PPP1R3F: variants seen among roughly 807,000 people sequenced by gnomAD.
PPP1R3F encodes the protein protein phosphatase 1 regulatory subunit 3F, also known as protein phosphatase 1, regulatory (inhibitor) subunit 3F.
In PPP1R3F, 29 loss-of-function variants were observed where a neutral mutation model predicts 24.2. The observed-to-expected ratio is 1.20, with a 90% CI of 0.89 to 1.63. The LOEUF (loss-of-function observed/expected upper bound fraction) is 1.63. Among genes scored for constraint, PPP1R3F ranks in the 40% most tolerant of loss-of-function variants. The pLI is 0.00. For synonymous variants in PPP1R3F, 363 were observed against 340.1 expected, an observed-to-expected ratio of 1.07 and a Z score of -0.74; for missense variants, 823 against 729.3, an observed-to-expected ratio of 1.13 and a Z score of -1.48.
chrX:49,293,175 G>A (rs1463115995), intron 3 of PPP1R3F, among the ~76,000 whole-genome samples: 8 of 111,999 alleles, frequency 7.1e-5, no homozygotes, highest in Non-Finnish European at 1.1e-4. Flanking sequence ...CTCACAGTGA[G>A]CTCATGTGAG....
rs781940335 is a variant in PPP1R3F, at chrX:49,270,337, G to C, written c.468G>C (p.Val156=). The stretch of plus-strand genomic sequence containing the variant: ...TCCCCGGGGGTGCCGGGGTGTGGGT[G>C]CCTGGGGGCCGCCCGCCGGTGCTGC... ...GAVPGGAGVW[V]PGGRPPVLRG... Residue 156 remains valine (V), a synonymous_variant, in exon 1 of 4, where the codon GTG becomes GTC. Coordinates refer to ENST00000055335, the MANE Select transcript of PPP1R3F (RefSeq NM_033215.5). 1.7e-5 allele frequency: 19 copies of C among 1,138,321 alleles called. No homozygotes were observed. In the South Asian group the frequency reaches 3.8e-4, roughly 23 times the overall value. The allele number at this position is 1,138,321 out of a possible 1,213,427, so 93.8% of individuals were successfully genotyped here. A position where few individuals can be genotyped will look rare whatever the true frequency, so the allele number is the denominator to read the frequency against.
chrX:49,285,935 C>T lies in PPP1R3F; in HGVS notation c.1245C>T (p.Ile415=), dbSNP rs1557121349. Residue 415 remains isoleucine, a synonymous_variant, in exon 4 of 4, where the codon ATC becomes ATT. Transcript: ENST00000055335. Reference sequence around the variant, plus strand: ...CAGAGGTCCTCCAGGCACCGGCCATCAGGATTCCCCCCTCCTCCCCTCTCT... The same window carrying T: ...CAGAGGTCCTCCAGGCACCGGCCATTAGGATTCCCCCCTCCTCCCCTCTCT... ...AFTEVLQAPA[I]RIPPSSPLCG... 1 of 1,207,195 alleles carries T rather than the reference C, an allele frequency of 8.3e-7. No homozygotes were observed. The highest frequency in any genetic ancestry group is 1.1e-6 in the Non-Finnish European group (1 of 893,368).
At chrX:49,297,452 G>A (rs1401941813) in intron 3 of PPP1R3F, among the ~76,000 whole-genome samples, 1 of 110,409 alleles carries the variant, frequency 9.1e-6, no homozygotes, top group Non-Finnish European at 1.9e-5. Context: ...CAGACCTCGT[G>A]ATCCGCCCGC....
intron 1 of PPP1R3F, among the ~76,000 whole-genome samples, chrX:49,276,982 G>A (rs782182710): frequency 1.8e-5 from 2 of 112,544 alleles, no homozygotes; most frequent in African/African-American, 6.5e-5. Flanking sequence ...GGTCTGCTGA[G>A]TTTCCCTTTG....
chrX:49,280,284 T>C (rs1183545678), intron 1 of PPP1R3F, among the ~76,000 whole-genome samples: 1 of 111,842 alleles, frequency 8.9e-6, no homozygotes, highest in Non-Finnish European at 1.9e-5. Context: ...TCTCTCACTC[T>C]GTCGCCCAGG....
chrX:49,294,938 C>G (rs1265071336), intron 3 of PPP1R3F, among the ~76,000 whole-genome samples: 18 of 99,461 alleles, frequency 1.8e-4, no homozygotes, highest in African/African-American at 6.3e-4. Context: ...ATGATCTAAG[C>G]TGTAGGTTTT....
rs782497717 is a variant in PPP1R3F at position 49,295,374 on chromosome X, G to A, written c.393-5977G>A. Reference sequence around the variant, plus strand: ...GGCCAGGCTCATCTCGAACTCCTGGGCTCAAGCGATCCCCCCACCTCAGCC... The same window carrying A: ...GGCCAGGCTCATCTCGAACTCCTGGACTCAAGCGATCCCCCCACCTCAGCC... On this transcript the variant is annotated intron_variant, in intron 3 of 3. Coordinates refer to the PPP1R3F transcript ENST00000471261. Among the ~76,000 whole-genome samples, 45 of 111,222 alleles carry A rather than the reference G, an allele frequency of 4.0e-4. 1 individual carries two copies. Among genetic ancestry groups the A allele is most frequent in the Non-Finnish European group, 7.4e-4 (39 of 52,915 alleles).
chrX:49,286,627 T>C lies in PPP1R3F; in HGVS notation c.1937T>C (p.Met646Thr). The change falls in exon 4 of 4, where the codon ATG becomes ACG. Residue 646 changes from methionine (M) to threonine (T), a missense_variant. Physicochemically the swap from Met to Thr is moderately conservative, Grantham distance 81. Coordinates refer to ENST00000055335, the MANE Select transcript of PPP1R3F (RefSeq NM_033215.5). ...GQFIGDPEKG[M>T]GKDTSSLHMN... ...TTCATTGGGGATCCTGAGAAAGGGA[T>C]GGGCAAGGACACCAGCTCTTTGCAC... The C allele has an allele frequency of 8.3e-7, 1 of 1,210,851 alleles. No homozygotes were observed. Among genetic ancestry groups the C allele is most frequent in the East Asian group, 3.0e-5 (1 of 33,812 alleles).
intron 3 of PPP1R3F, among the ~76,000 whole-genome samples, chrX:49,297,370 T>G (rs1423613481): frequency 9.1e-6 from 1 of 109,666 alleles, no homozygotes; most frequent in Non-Finnish European, 1.9e-5. Context: ...CCTGCCACTA[T>G]GCCTGGCTAA....
At chrX:49,277,987 T>C (rs782630378) in intron 1 of PPP1R3F, among the ~76,000 whole-genome samples, 33 of 112,430 alleles carry the variant, frequency 2.9e-4, no homozygotes, top group African/African-American at 1.0e-3. Flanking sequence ...TTTGCTTCTG[T>C]CGATGTTGTG....
rs12015101 is a variant in PPP1R3F at position 49,279,623 on chromosome X, G to A, written c.1005-1783G>A. Among the ~76,000 whole-genome samples, 548 of 112,064 alleles carry A rather than the reference G, an allele frequency of 4.9e-3. 4 individuals carry two copies. The highest frequency in any genetic ancestry group is 0.016 in the African/African-American group (508 of 30,883). ...CACTTGAACCTGGGAGGCAGAGGTT[G>A]CAGTGAGCCGAGATCATGCTATTGC... is the stretch of plus-strand genomic sequence containing the variant. On this transcript the variant is annotated intron_variant, in intron 1 of 3. Transcript: ENST00000055335.
rs782516192 is a variant in PPP1R3F, at chrX:49,270,373, A to G, written c.504A>G (p.Val168=). ...GCCCGCCGGTGCTGCGCGGGTTGGT[A>G]CGCGTGCTGAACCGCTCCTTCGAGA... ...GGRPPVLRGL[V]RVLNRSFEKA... is the part of the protein sequence containing the mutation. The change falls in exon 1 of 4, where the codon GTA becomes GTG. Residue 168 remains valine, a synonymous_variant. Coordinates refer to ENST00000055335, the MANE Select transcript of PPP1R3F (RefSeq NM_033215.5). The G allele has an allele frequency of 2.6e-6, 3 of 1,159,459 alleles. No individual in the cohort carries two copies. The highest frequency in any genetic ancestry group is 6.4e-5 in the East Asian group (2 of 31,012).
chrX:49,280,720 T>C (rs1203637170), intron 1 of PPP1R3F: 1 of 110,163 alleles, frequency 9.1e-6, no homozygotes, highest in Non-Finnish European at 1.9e-5. Context: ...TAATTTTTTG[T>C]ATTTTTAGTA....
chrX:49,286,856 T>C lies in PPP1R3F; in HGVS notation c.2166T>C (p.Pro722=). Residue 722 remains proline, a synonymous_variant, in exon 4 of 4, where the codon CCT becomes CCC. Coordinates refer to ENST00000055335, the MANE Select transcript of PPP1R3F (RefSeq NM_033215.5). ...TCTGTCTCTCTAGTGTAGCCAGGCC[T>C]CATGTGAGCTCCCAGGATGAAAAGG... ...AEVCLSSVAR[P]HVSSQDEKDA... 8.4e-7 allele frequency: 1 copy of C among 1,192,041 alleles called. No individual in the cohort carries two copies. Among genetic ancestry groups the C allele is most frequent in the South Asian group, 1.9e-5 (1 of 53,499 alleles).
In PPP1R3F at chrX:49,269,864, G is replaced by A; in HGVS notation, c.-6G>A. On this transcript the variant is annotated 5_prime_UTR_variant, in exon 1 of 4. Transcript: ENST00000055335. ...CGGTGCCGTCGGTGCCGCCGCCGCC[G>A]CCGATATGGCGCGTACGGCCCCTGT... The A allele has an allele frequency of 2.2e-6, 2 of 890,361 alleles. No individual in the cohort carries two copies. Among genetic ancestry groups the A allele is most frequent in the Non-Finnish European group, 1.4e-6 (1 of 725,018 alleles). The allele number at this position is 890,361 out of a possible 1,213,427, so 73.4% of individuals were successfully genotyped here.
At chrX:49,279,890 C>T (rs12006896) in intron 1 of PPP1R3F, among the ~76,000 whole-genome samples, 8,159 of 112,149 alleles carry the variant, frequency 0.073, 724 homozygotes, top group African/African-American at 0.25. Flanking sequence ...TGGGAGGACC[C>T]ACCTGAAATG....
intron 3 of PPP1R3F, among the ~76,000 whole-genome samples, chrX:49,284,509 C>CTTTTTTTTTTTTTTTTTTTTCTTT (rs145170789): frequency 2.0e-5 from 1 of 50,854 alleles, no homozygotes; most frequent in Non-Finnish European, 3.7e-5. Flanking sequence ...CTTTTTCTTT[C>CTTTTTTTTTTTTTTTTTTTTCTTT]TTTTTTTTTT....
At chrX:49,288,761 A>G (rs2066300523), downstream of PPP1R3F, among the ~76,000 whole-genome samples, 1 of 112,133 alleles carries the variant, frequency 8.9e-6, no homozygotes, top group Non-Finnish European at 1.9e-5. Flanking sequence ...ATGAACTTGG[A>G]TCCCTACTTT....
In PPP1R3F at chrX:49,286,035, G is replaced by A. The variant is rs782612186; in HGVS notation, c.1345G>A (p.Glu449Lys). The A allele has an allele frequency of 2.5e-6, 3 of 1,176,968 alleles. No individual in the cohort carries two copies. The South Asian group carries it at 5.7e-5, about 22-fold the overall frequency. Residue 449 changes from glutamate to lysine, a missense_variant, in exon 4 of 4, where the codon GAG becomes AAG. Transcript: ENST00000055335. ...CGAGGGGGCCACCGGGCCTTTCCTGGAGCCCAGTCAGCAGCAGGCAGAGGC... is the reference window on the plus strand; with the variant it reads ...CGAGGGGGCCACCGGGCCTTTCCTGAAGCCCAGTCAGCAGCAGGCAGAGGC... Reference protein sequence around the residue: ...ASEGATGPFLEPSQQQAEATW... With the variant: ...ASEGATGPFLKPSQQQAEATW...
Sources: allele counts gnomAD v4.1 joint callset (sites outside exome capture counted in the v4.1 genomes callset), GRCh38; gene constraint gnomAD v4.1.1; transcripts MANE v1.5; gene names NCBI Gene and HGNC (gene_info 2026-07-23, HGNC 2026-07-21).